NRG3: variants seen among roughly 807,000 people sequenced by gnomAD.
The protein encoded by NRG3 is neuregulin 3, also known as pro-neuregulin-3, membrane-bound isoform.
A neutral mutation model predicts 66.9 loss-of-function variants in NRG3; 31 were observed. The observed-to-expected ratio is 0.46, with a 90% CI of 0.35 to 0.63. The LOEUF (loss-of-function observed/expected upper bound fraction) is 0.63, where lower values mean the gene tolerates loss of function less well. Ranked by LOEUF, NRG3 falls within the 20% of genes least tolerant of loss-of-function variation. The probability of loss-of-function intolerance (pLI) is 0.00; values close to 1 mark genes in which losing one functional copy is unlikely to be tolerated. For synonymous variants in NRG3, 393 were observed against 359.4 expected, an observed-to-expected ratio of 1.09 and a Z score of -1.06; for missense variants, 910 against 878.9, an observed-to-expected ratio of 1.04 and a Z score of -0.45.
chr10:82,316,431 A>C (rs1233390943), intron 1 of NRG3, among the ~76,000 whole-genome samples: 1 of 152,208 alleles, frequency 6.6e-6, no homozygotes, highest in East Asian at 1.9e-4. Context: ...TTATGAAAAA[A>C]AGTAGAAAAT....
chr10:82,430,541 G>A (rs1564912167), intron 2 of NRG3, among the ~76,000 whole-genome samples: 1 of 152,166 alleles, frequency 6.6e-6, no homozygotes, highest in Non-Finnish European at 1.5e-5. Context: ...ACAAGTGTGA[G>A]CCACCACGCC....
intron 4 of NRG3, among the ~76,000 whole-genome samples, chr10:82,909,046 A>G (rs1357933828): frequency 1.3e-5 from 2 of 152,214 alleles, no homozygotes; most frequent in Non-Finnish European, 2.9e-5. Flanking sequence ...TAGTCTCTTC[A>G]GGCTATATGC....
At chr10:82,899,505 G>A (rs942675618) in intron 4 of NRG3, among the ~76,000 whole-genome samples, 2 of 152,156 alleles carry the variant, frequency 1.3e-5, no homozygotes, top group African/African-American at 4.8e-5. Context: ...AATGTGCGTA[G>A]TATTTTTTTC....
At chr10:82,829,750 T>A (rs1010873580) in intron 3 of NRG3, among the ~76,000 whole-genome samples, 6 of 152,308 alleles carry the variant, frequency 3.9e-5, no homozygotes, top group African/African-American at 1.4e-4. Flanking sequence ...TTTGGTTGTG[T>A]GATTACAACT....
chr10:82,752,277 G>A (rs141330538), intron 3 of NRG3, among the ~76,000 whole-genome samples: 1 of 151,990 alleles, frequency 6.6e-6, no homozygotes, highest in African/African-American at 2.4e-5. Context: ...AGCATAAAGA[G>A]GTTTACAATA....
intron 3 of NRG3, among the ~76,000 whole-genome samples, chr10:82,794,013 A>T (rs2060695531): frequency 6.6e-6 from 1 of 152,122 alleles, no homozygotes. Context: ...GATTCCCTCA[A>T]ACTGCCTGAA....
chr10:82,761,922 C>CTTTCTTTCTTTCTT (rs1555028704), intron 3 of NRG3, among the ~76,000 whole-genome samples: 2 of 123,784 alleles, frequency 1.6e-5, no homozygotes, highest in African/African-American at 6.1e-5. Flanking sequence ...TTCTTTCTTT[C>CTTTCTTTCTTTCTT]TCTTTCTTTC....
chr10:82,267,080 A>G (rs533834342), intron 1 of NRG3, among the ~76,000 whole-genome samples: 1 of 152,222 alleles, frequency 6.6e-6, no homozygotes, highest in Non-Finnish European at 1.5e-5. Context: ...TTCCTAGATG[A>G]TTCTTATATA....
chr10:81,938,398 T>C (rs1006082439), intron 1 of NRG3, among the ~76,000 whole-genome samples: 86 of 150,932 alleles, frequency 5.7e-4, no homozygotes, highest in African/African-American at 2.0e-3. Context: ...GTGTGTTTTT[T>C]TTTTTCCAGC....
intron 3 of NRG3, among the ~76,000 whole-genome samples, chr10:82,778,753 T>C (rs2060005173): frequency 6.6e-6 from 1 of 152,170 alleles, no homozygotes; most frequent in South Asian, 2.1e-4. Context: ...CCACATGGGC[T>C]CAGGCACTGA....
intron 3 of NRG3, among the ~76,000 whole-genome samples, chr10:82,744,910 T>C (rs913593738): frequency 1.3e-5 from 2 of 152,164 alleles, no homozygotes; most frequent in Non-Finnish European, 2.9e-5. Context: ...ATCATTATTA[T>C]TTTTGTTGTT....
chr10:82,595,669 C>A (rs1190941759), intron 2 of NRG3, among the ~76,000 whole-genome samples: 1 of 151,762 alleles, frequency 6.6e-6, no homozygotes, highest in African/African-American at 2.4e-5. Context: ...CCTGTAGTCC[C>A]AGCTACTCGG....
intron 1 of NRG3, among the ~76,000 whole-genome samples, chr10:81,999,687 A>T (rs1026677166): frequency 2.0e-5 from 3 of 152,200 alleles, no homozygotes; most frequent in African/African-American, 7.2e-5. Flanking sequence ...TATGCCTTTA[A>T]CAACTAGCAG....
intron 2 of NRG3, among the ~76,000 whole-genome samples, chr10:82,390,117 A>G (rs532193209): frequency 1.3e-5 from 2 of 152,172 alleles, no homozygotes; most frequent in South Asian, 4.2e-4. Flanking sequence ...AAGAGTACAA[A>G]CCTATCTGTC....
chr10:82,937,885 C>T (rs1848236166), intron 4 of NRG3, among the ~76,000 whole-genome samples: 1 of 152,090 alleles, frequency 6.6e-6, no homozygotes, highest in Admixed American at 6.6e-5. Context: ...GTAAAATCAG[C>T]ACAGTTGAAC....
chr10:82,381,506 C>T (rs1247270587), intron 2 of NRG3, among the ~76,000 whole-genome samples: 5 of 152,086 alleles, frequency 3.3e-5, no homozygotes, highest in East Asian at 1.9e-4. Context: ...AGCAAGAAGG[C>T]GATCAGCCTC....
intron 1 of NRG3, chr10:81,877,919 C>G (rs1012057930): frequency 1.3e-6 from 2 of 1,536,728 alleles, no homozygotes; most frequent in African/African-American, 2.7e-5. Flanking sequence ...CCCTGAAGAC[C>G]CCAGATTTTT....
intron 2 of NRG3, among the ~76,000 whole-genome samples, chr10:82,404,331 C>T: frequency 6.6e-6 from 1 of 152,092 alleles, no homozygotes; most frequent in Non-Finnish European, 1.5e-5. Context: ...AGTAAGAAGC[C>T]TGGGTAGGAT....
At chr10:82,108,739 G>A in intron 1 of NRG3, among the ~76,000 whole-genome samples, 1 of 152,162 alleles carries the variant, frequency 6.6e-6, no homozygotes, top group African/African-American at 2.4e-5. Context: ...GTTCATAATA[G>A]CTAGCCTGAT....
Sources: gnomAD v4.1 joint callset for allele counts (sites outside exome capture counted in the v4.1 genomes callset) on GRCh38, gnomAD v4.1.1 for gene constraint, MANE v1.5 for transcripts, NCBI Gene and HGNC (gene_info 2026-07-23, HGNC 2026-07-21) for gene names.